RB1CC1: variants seen among roughly 807,000 people sequenced by gnomAD.
RB1CC1 encodes the protein RB1 inducible coiled-coil 1.
Under a neutral mutation model 177.5 loss-of-function variants are expected in RB1CC1, and 46 were observed. The observed-to-expected ratio is 0.26, with a 90% CI of 0.20 to 0.33. The LOEUF is 0.33. Among genes scored for constraint, RB1CC1 ranks in the 10% least tolerant of loss-of-function variants. The pLI is 1.00. For synonymous variants in RB1CC1, 666 were observed against 613.6 expected, an observed-to-expected ratio of 1.09 and a Z score of -1.26; for missense variants, 1,703 against 1,816.3, an observed-to-expected ratio of 0.94 and a Z score of 1.13.
chr8:52,667,957 A>G, intron 8 of RB1CC1, 64 bp downstream of exon 8: 1 of 1,495,238 alleles, frequency 6.7e-7, no homozygotes, highest in Non-Finnish European at 9.1e-7. Flanking sequence ...TTGATACTGC[A>G]TATAAAACAT....
In RB1CC1 at chr8:52,656,184, G is replaced by T. The variant is rs747092948; in HGVS notation, c.3645C>A (p.Asp1215Glu). Reference protein sequence around the residue: ...YEAIIQNLEKDRQKLVSSQEQ... With the variant: ...YEAIIQNLEKERQKLVSSQEQ... Reference sequence around the variant, plus strand: ...CCTGGCTGCTGACCAATTTTTGTCTGTCTTTCTCAAGGTTCTGGATAATAG... The same window carrying T: ...CCTGGCTGCTGACCAATTTTTGTCTTTCTTTCTCAAGGTTCTGGATAATAG... Residue 1215 changes from aspartate (D) to glutamate (E), a missense_variant, in exon 15 of 24, where the codon GAC becomes GAA. This residue lies in a region of RB1CC1 where 1,169 missense variants were observed against 1,184.7 expected (regional missense o/e 0.99). Coordinates refer to ENST00000025008, the MANE Select transcript of RB1CC1 (RefSeq NM_014781.5). 1 of 1,613,658 alleles carries T rather than the reference G, an allele frequency of 6.2e-7. No individual in the cohort carries two copies. The highest frequency in any genetic ancestry group is 8.5e-7 in the Non-Finnish European group (1 of 1,179,824).
chr8:52,656,840 C>G lies in RB1CC1; in HGVS notation c.2989G>C (p.Val997Leu). ...TTCTCAAACTCTTGTATGTGCCTAA[C>G]CTGAAGTGTGTCCTCTAATTCCTTT... ...HLKELEDTLQ[V>L]RHIQEFEKVM... Residue 997 changes from valine (V) to leucine (L), a missense_variant, in exon 15 of 24, where the codon GTT (valine) becomes CTT (leucine). Transcript: ENST00000025008. The G allele has an allele frequency of 6.2e-7, 1 of 1,613,724 alleles. No individual in the cohort carries two copies. The highest frequency in any genetic ancestry group is 8.5e-7 in the Non-Finnish European group (1 of 1,179,984).
In RB1CC1 at chr8:52,668,167, A is replaced by G; in HGVS notation, c.1027T>C (p.Phe343Leu). 1 of 1,613,878 alleles carries G rather than the reference A, an allele frequency of 6.2e-7. No homozygotes were observed. Residue 343 changes from phenylalanine to leucine, a missense_variant, in exon 8 of 24, where the codon TTT (phenylalanine) becomes CTT (leucine). Transcript: ENST00000025008. ...SRLDPRIIRP[F>L]IAECRQTIAK... ...ATAGTTTGACGGCATTCTGCTATAAATGGTCGAATAATCCTTGGATCAAGC... is the reference window on the plus strand; with the variant it reads ...ATAGTTTGACGGCATTCTGCTATAAGTGGTCGAATAATCCTTGGATCAAGC...
intron 20 of RB1CC1, 146 bp from the exon 21 acceptor site, chr8:52,630,674 A>G: frequency 2.7e-6 from 2 of 729,654 alleles, no homozygotes; most frequent in South Asian, 1.1e-4. Flanking sequence ...ATGTTCATTA[A>G]TAATTCCTTT....
chr8:52,670,857 G>A (rs555031041), intron 7 of RB1CC1, among the ~76,000 whole-genome samples: 9 of 152,082 alleles, frequency 5.9e-5, no homozygotes, highest in South Asian at 2.1e-4. Context: ...GTGTGGTGGC[G>A]GGTGCCTGTA....
intron 10 of RB1CC1, 24 bp downstream of exon 10, chr8:52,661,071 T>TA (rs754871824): frequency 6.2e-7 from 1 of 1,611,460 alleles, no homozygotes; most frequent in East Asian, 2.2e-5. Context: ...CATATACAGT[T>TA]AAAATAGAAT....
In RB1CC1 at chr8:52,637,658, C is replaced by CATTTATTTATTTATTTATTTATTT. The variant is rs561831982; in HGVS notation, c.4338-1613_4338-1590dup. Reference sequence around the variant, plus strand: ...TTTTTCTTCCTTACCAATCTAGATGCATTTATTTATTTATTTATTTATTTA... The same window carrying CATTTATTTATTTATTTATTTATTT: ...TTTTTCTTCCTTACCAATCTAGATGCATTTATTTATTTATTTATTTATTTATTTATTTATTTATTTATTTATTTA... On this transcript the variant is annotated intron_variant, in intron 18 of 23. Coordinates refer to ENST00000025008, the MANE Select transcript of RB1CC1 (RefSeq NM_014781.5). 6.6e-4 allele frequency among the ~76,000 whole-genome samples: 100 copies of CATTTATTTATTTATTTATTTATTT among 151,290 alleles called. 1 individual carries two copies. The highest frequency in any genetic ancestry group is 2.4e-3 in the African/African-American group (97 of 41,022).
At position 52,656,367 on chromosome 8, in the gene RB1CC1, T is replaced by C; in HGVS notation, c.3462A>G (p.Glu1154=). 2.5e-6 allele frequency: 4 copies of C among 1,611,622 alleles called. No homozygotes were observed. Among genetic ancestry groups the C allele is most frequent in the African/African-American group, 1.3e-5 (1 of 74,850 alleles). Residue 1154 remains glutamate, a synonymous_variant, in exon 15 of 24, where the codon GAA becomes GAG. Transcript: ENST00000025008. The stretch of plus-strand genomic sequence containing the variant: ...TATGCAAAGATGTTACTTTGTTTAA[T>C]TCAGCTTTAAGTATATTAGATTCTT... The part of the protein sequence containing the change: ...HEEESNILKA[E]LNKVTSLHNQ...
chr8:52,635,620 TG>T (rs1849082602), intron 19 of RB1CC1, among the ~76,000 whole-genome samples: 1 of 152,174 alleles, frequency 6.6e-6, no homozygotes, highest in Non-Finnish European at 1.5e-5. Context: ...TACTTATTTT[TG>T]TTTTTGCCAA....
intron 19 of RB1CC1, among the ~76,000 whole-genome samples, 191 bp downstream of exon 19, chr8:52,635,824 T>A (rs1424571702): frequency 6.6e-6 from 1 of 152,144 alleles, no homozygotes; most frequent in Non-Finnish European, 1.5e-5. Context: ...GCTGAAATAC[T>A]GTCAACTGTT....
chr8:52,683,686 T>C lies in RB1CC1; in HGVS notation c.232A>G (p.Met78Val), dbSNP rs1208244256. The C allele has an allele frequency of 2.5e-6, 4 of 1,592,606 alleles. No homozygotes were observed. The highest frequency in any genetic ancestry group is 3.4e-6 in the Non-Finnish European group (4 of 1,172,158). Residue 78 changes from methionine (M) to valine (V), a missense_variant, in exon 5 of 24, where the codon ATG becomes GTG. Physicochemically the swap from Met to Val is conservative, Grantham distance 21. Coordinates refer to ENST00000025008, the MANE Select transcript of RB1CC1 (RefSeq NM_014781.5). The part of the protein sequence containing the change: ...TNPIFLFNKE[M>V]ILCDRPPAIP... ...GCAGGTGGACGATCACATAAGATCA[T>C]TTCTTTGTTAAAAAGAAAAATTGGA...
At chr8:52,684,273 T>G (rs1854038637) in intron 3 of RB1CC1, among the ~76,000 whole-genome samples, 1 of 152,214 alleles carries the variant, frequency 6.6e-6, no homozygotes. Context: ...ACATAATTTT[T>G]GTTAAAATCT....
intron 20 of RB1CC1, among the ~76,000 whole-genome samples, chr8:52,631,051 G>A (rs1848716423): frequency 6.6e-6 from 1 of 152,146 alleles, no homozygotes; most frequent in African/African-American, 2.4e-5. Flanking sequence ...ATTGGCTGGG[G>A]TTGGACCACA....
chr8:52,639,563 A>C (rs1018826589), intron 18 of RB1CC1, among the ~76,000 whole-genome samples: 17 of 152,306 alleles, frequency 1.1e-4, no homozygotes, highest in African/African-American at 3.6e-4. Flanking sequence ...AATACTTCTA[A>C]ATGTTTCAAT....
intron 3 of RB1CC1, 29 bp downstream of exon 3, chr8:52,685,369 CG>C: frequency 1.4e-6 from 2 of 1,479,242 alleles, no homozygotes; most frequent in South Asian, 1.2e-5. Flanking sequence ...AGACAGAATG[CG>C]AAAAAAAAAT....
chr8:52,623,944 CAAAAAG>C, intron 23 of RB1CC1, 85 bp from the exon 24 acceptor site: 1 of 830,380 alleles, frequency 1.2e-6, no homozygotes, highest in Non-Finnish European at 2.0e-6. Context: ...ACCCAAAAAA[CAAAAAG>C]AAACAAAAAA....
chr8:52,628,187 T>G lies in RB1CC1; in HGVS notation c.4500-19A>C, dbSNP rs1322591540. ...CTGAAAACTGAATAAAGAAATGCAATTTTATTGACTTAGAGTTACTTTCAA... is the reference window on the plus strand; with the variant it reads ...CTGAAAACTGAATAAAGAAATGCAAGTTTATTGACTTAGAGTTACTTTCAA... On this transcript the variant is annotated intron_variant, in intron 21 of 23. Coordinates refer to ENST00000025008, the MANE Select transcript of RB1CC1 (RefSeq NM_014781.5). 9 of 1,601,704 alleles carry G rather than the reference T, an allele frequency of 5.6e-6. No homozygotes were observed. In the Admixed American group the frequency reaches 1.4e-4, roughly 24 times the overall value.
At chr8:52,683,508 C>A (rs371230519) in intron 5 of RB1CC1, 41 bp downstream of exon 5, 153 of 1,485,388 alleles carry the variant, frequency 1.0e-4, no homozygotes, top group Non-Finnish European at 1.3e-4. Context: ...GATCCGAATG[C>A]TTTTAGAAAC....
intron 18 of RB1CC1, among the ~76,000 whole-genome samples, chr8:52,641,816 C>T (rs1446503863): frequency 6.6e-6 from 1 of 152,116 alleles, no homozygotes; most frequent in Non-Finnish European, 1.5e-5. Context: ...CCAATTCTGT[C>T]TCTCCCATAG....
Sources: gnomAD v4.1 joint callset for allele counts (sites outside exome capture counted in the v4.1 genomes callset) on GRCh38, gnomAD v4.1.1 for gene constraint, gnomAD v4.1.1 regional missense constraint, MANE v1.5 for transcripts, NCBI Gene and HGNC (gene_info 2026-07-23, HGNC 2026-07-21) for gene names.